Variants in DUSP16 observed in about 807,000 individuals in gnomAD.
DUSP16 encodes the protein dual specificity phosphatase 16, also known as dual specificity protein phosphatase 16.
In DUSP16, 21 loss-of-function variants were observed where a neutral mutation model predicts 58.3. That is an observed-to-expected ratio of 0.36 (90% CI 0.26 to 0.52). The LOEUF (loss-of-function observed/expected upper bound fraction) is 0.52, where lower values mean the gene tolerates loss of function less well. Ranked by LOEUF, DUSP16 falls within the 20% of genes least tolerant of loss-of-function variation. The pLI is 0.94. For missense variants in DUSP16, 726 were observed against 819.0 expected, an observed-to-expected ratio of 0.89 and a Z score of 1.39; for synonymous variants, 320 against 323.8, an observed-to-expected ratio of 0.99 and a Z score of 0.12.
intron 1 of DUSP16, chr12:12,554,530 A>G (rs1592215612): frequency 6.6e-6 from 1 of 152,146 alleles, no homozygotes; most frequent in East Asian, 1.9e-4. Flanking sequence ...ACAAACTCCA[A>G]CTTACCCATT....
intron 3 of DUSP16, 69 bp downstream of exon 3, chr12:12,519,793 C>G (rs1011685741): frequency 1.3e-6 from 2 of 1,527,030 alleles, no homozygotes; most frequent in African/African-American, 2.7e-5. Flanking sequence ...ACTGAGTTCA[C>G]AGTGAAATAT....
chr12:12,525,690 C>T (rs967917446), intron 1 of DUSP16, among the ~76,000 whole-genome samples: 2 of 151,830 alleles, frequency 1.3e-5, no homozygotes, highest in African/African-American at 4.8e-5. Context: ...CTGAGCAACA[C>T]AGTGAGACCC....
chr12:12,559,726 T>A (rs577481075), intron 1 of DUSP16, among the ~76,000 whole-genome samples: 58 of 152,336 alleles, frequency 3.8e-4, no homozygotes, highest in African/African-American at 1.3e-3. Context: ...TCCCATATGC[T>A]AAACACTGTA....
chr12:12,520,439 TC>T (rs1295654945), intron 2 of DUSP16, among the ~76,000 whole-genome samples: 2 of 152,308 alleles, frequency 1.3e-5, no homozygotes, highest in Admixed American at 1.3e-4. Context: ...CATTTTAGTA[TC>T]CCAGGAATAA....
intron 4 of DUSP16, among the ~76,000 whole-genome samples, chr12:12,497,508 G>A (rs542035208): frequency 5.3e-5 from 8 of 152,114 alleles, no homozygotes; most frequent in South Asian, 2.1e-4. Context: ...ACATAATCTC[G>A]GGTAAGTGAC....
In DUSP16 at chr12:12,477,175, G is replaced by A; in HGVS notation, c.1656C>T (p.Ser552=). 1 of 1,614,234 alleles carries A rather than the reference G, an allele frequency of 6.2e-7. No homozygotes were observed. The highest frequency in any genetic ancestry group is 1.3e-5 in the African/African-American group (1 of 75,064). ...DILAPQTSTP[S]LTSSWYFATE... is the part of the protein sequence containing the mutation. ...TGGCAAAATACCAGCTGCTGGTCAG[G>A]GAAGGGGTAGAGGTCTGGGGGGCCA... Residue 552 remains serine, a synonymous_variant, in exon 7 of 7, where the codon TCC becomes TCT. Transcript: ENST00000298573. This position sits in a 1 kb window ranked among gnomAD's most constrained non-coding sequence, Gnocchi z 4.1.
At position 12,475,781 on chromosome 12, in the gene DUSP16, C is replaced by G. The variant is rs1018790656; in HGVS notation, c.*1052G>C. On this transcript the variant is annotated 3_prime_UTR_variant, in exon 7 of 7. Transcript: ENST00000298573. The stretch of plus-strand genomic sequence containing the variant: ...CCTATAAAATTCTGCCATATTATTA[C>G]ATTTTACCAACTGTATCCATGCAGT... 6.6e-6 allele frequency: 1 copy of G among 152,212 alleles called. No individual in the cohort carries two copies. Among genetic ancestry groups the G allele is most frequent in the Non-Finnish European group, 1.5e-5 (1 of 68,036 alleles). The allele number at this position is 152,212 out of a possible 1,614,324, so 9.4% of individuals were successfully genotyped here.
At chr12:12,488,800 C>G (rs958130890) in intron 4 of DUSP16, among the ~76,000 whole-genome samples, 5 of 152,088 alleles carry the variant, frequency 3.3e-5, no homozygotes, top group African/African-American at 7.2e-5. Context: ...GAACAGCAGC[C>G]GGGCGCAGTG....
At chr12:12,480,425 A>G in intron 5 of DUSP16, 79 bp from the exon 6 acceptor site, 1 of 1,537,806 alleles carries the variant, frequency 6.5e-7, no homozygotes, top group Non-Finnish European at 8.8e-7. Context: ...TTACTTACTC[A>G]GTGTCTTCCA....
chr12:12,480,529 C>T (rs910405394), intron 5 of DUSP16, among the ~76,000 whole-genome samples, 183 bp from the exon 6 acceptor site: 1 of 152,220 alleles, frequency 6.6e-6, no homozygotes, highest in East Asian at 1.9e-4. Context: ...TCCCTCACCA[C>T]TGACATGCAG....
chr12:12,524,514 T>G (rs1246739367), intron 1 of DUSP16, among the ~76,000 whole-genome samples: 1 of 152,144 alleles, frequency 6.6e-6, no homozygotes, highest in Non-Finnish European at 1.5e-5. Flanking sequence ...TGGCTATGAG[T>G]CTAATTTTAA....
chr12:12,482,094 G>A (rs1943580124), intron 5 of DUSP16, among the ~76,000 whole-genome samples: 1 of 152,042 alleles, frequency 6.6e-6, no homozygotes, highest in South Asian at 2.1e-4. Flanking sequence ...AGGAGTCTGG[G>A]TTTTTGTTTT....
intron 4 of DUSP16, among the ~76,000 whole-genome samples, chr12:12,498,418 A>T (rs1231155736): frequency 1.3e-5 from 2 of 150,612 alleles, no homozygotes; most frequent in African/African-American, 4.9e-5. Flanking sequence ...TTATTTATTT[A>T]TTTATTTATT....
In DUSP16 at chr12:12,474,609, GAC is replaced by G. The variant is rs1369100274; in HGVS notation, c.*2222_*2223del. On this transcript the variant is annotated 3_prime_UTR_variant, in exon 7 of 7. Transcript: ENST00000298573. Reference sequence around the variant, plus strand: ...TCTCGATTCCAAGAACTGATTATCTGACACTAGTGAACCAGCACTAAAGGCTG... The same window carrying G: ...TCTCGATTCCAAGAACTGATTATCTGACTAGTGAACCAGCACTAAAGGCTG... The G allele has an allele frequency of 6.6e-6, 1 of 152,254 alleles. No homozygotes were observed. The highest frequency in any genetic ancestry group is 2.4e-5 in the African/African-American group (1 of 41,426). 9.4% of individuals were successfully genotyped at this position (152,254 alleles called of 1,614,324 possible).
chr12:12,481,469 C>T (rs1943563716), intron 5 of DUSP16, among the ~76,000 whole-genome samples: 1 of 152,162 alleles, frequency 6.6e-6, no homozygotes, highest in Non-Finnish European at 1.5e-5. Context: ...GTCTACTGAA[C>T]CTTGTGTTAA....
intron 1 of DUSP16, among the ~76,000 whole-genome samples, chr12:12,550,714 G>A (rs1944712375): frequency 6.6e-6 from 1 of 151,862 alleles, no homozygotes; most frequent in Admixed American, 6.6e-5. Context: ...CTGTTGGGAG[G>A]GAAACATCAC....
chr12:12,523,122 T>A (rs2136234181), intron 1 of DUSP16, among the ~76,000 whole-genome samples: 1 of 152,338 alleles, frequency 6.6e-6, no homozygotes. Flanking sequence ...GAGCATGATA[T>A]AAAGAGATGT....
intron 1 of DUSP16, among the ~76,000 whole-genome samples, chr12:12,538,778 G>A (rs895328246): frequency 1.2e-4 from 19 of 152,298 alleles, no homozygotes; most frequent in African/African-American, 4.6e-4. Context: ...AACCCTCGAA[G>A]CAAATGCTTG....
intron 3 of DUSP16, among the ~76,000 whole-genome samples, chr12:12,502,321 G>A (rs763614989): frequency 4.6e-5 from 7 of 152,180 alleles, no homozygotes; most frequent in Non-Finnish European, 8.8e-5. Context: ...AGAATGGTAG[G>A]CAGTTGACAA....
Sources: gnomAD v4.1 joint callset for allele counts (sites outside exome capture counted in the v4.1 genomes callset) on GRCh38, gnomAD v4.1.1 for gene constraint, Gnocchi (gnomAD v3.1) non-coding constraint, MANE v1.5 for transcripts, NCBI Gene and HGNC (gene_info 2026-07-23, HGNC 2026-07-21) for gene names.